SIRPD: variants seen among roughly 807,000 people sequenced by gnomAD.
The protein encoded by SIRPD is signal-regulatory protein delta.
SIRPD carries 21 observed loss-of-function variants against 18.0 expected under a neutral mutation model. The observed-to-expected ratio is 1.17, with a 90% CI of 0.83 to 1.68. The LOEUF (loss-of-function observed/expected upper bound fraction) is 1.68. Among genes scored for constraint, SIRPD ranks in the 40% most tolerant of loss-of-function variants. SIRPD has a pLI of 0.00. For synonymous variants in SIRPD, 106 were observed against 92.9 expected (o/e 1.14, Z -0.81); for missense variants, 295 against 238.4 (o/e 1.24, Z -1.56).
intron 2 of SIRPD, 127 bp downstream of exon 2, chr20:1,551,564 A>G: frequency 1.3e-6 from 1 of 771,128 alleles, no homozygotes. Context: ...GAGAGAATTA[A>G]AAAGATCAAA....
Position 1,551,791 on chromosome 20 carries a change from G to A in SIRPD, c.321C>T (p.Ile107=). Residue 107 remains isoleucine, a synonymous_variant, in exon 2 of 4, where the codon ATC becomes ATT. Transcript: ENST00000381623. ...NTDFSTRIRE[I]SLADAGTYYC... The stretch of plus-strand genomic sequence containing the variant: ...AATAGGTGCCAGCATCAGCAAGAGA[G>A]ATTTCACGGATGCGGGTGGAAAAGT... 1 of 1,614,086 alleles carries A rather than the reference G, an allele frequency of 6.2e-7. No individual in the cohort carries two copies.
At chr20:1,543,678 G>T (rs1040301203) in intron 2 of SIRPD, among the ~76,000 whole-genome samples, 2 of 152,064 alleles carry the variant, frequency 1.3e-5, no homozygotes, top group African/African-American at 4.8e-5. Flanking sequence ...GAATTTGTTT[G>T]CTCTAGCTTC....
chr20:1,549,177 C>T (rs1467111042), intron 2 of SIRPD, among the ~76,000 whole-genome samples: 1 of 151,726 alleles, frequency 6.6e-6, no homozygotes, highest in Non-Finnish European at 1.5e-5. Flanking sequence ...ATAAAATTTC[C>T]ATTTGGTTCT....
chr20:1,537,847 G>C (rs930717806), intron 2 of SIRPD, among the ~76,000 whole-genome samples: 3 of 152,122 alleles, frequency 2.0e-5, no homozygotes, highest in African/African-American at 7.2e-5. Context: ...GATAGTTTCT[G>C]TTTTAGAGAA....
chr20:1,543,179 A>G (rs544913312), intron 2 of SIRPD, among the ~76,000 whole-genome samples: 51 of 151,978 alleles, frequency 3.4e-4, no homozygotes, highest in Admixed American at 1.3e-3. Context: ...CTCTTTTTCT[A>G]TTGTTTGGAA....
At chr20:1,544,678 G>A (rs1185280882) in intron 2 of SIRPD, among the ~76,000 whole-genome samples, 1 of 152,058 alleles carries the variant, frequency 6.6e-6, no homozygotes, top group African/African-American at 2.4e-5. Context: ...AGCTGGTTAT[G>A]TTGCCCATTA....
chr20:1,538,022 T>C (rs978349398), intron 2 of SIRPD, among the ~76,000 whole-genome samples: 3 of 152,110 alleles, frequency 2.0e-5, no homozygotes, highest in Admixed American at 1.3e-4. Flanking sequence ...GGAGGAGATG[T>C]AGAAACACTC....
At chr20:1,550,006 C>G (rs984156261) in intron 2 of SIRPD, among the ~76,000 whole-genome samples, 1 of 152,168 alleles carries the variant, frequency 6.6e-6, no homozygotes, top group Non-Finnish European at 1.5e-5. Context: ...TATTCTCCCT[C>G]TAAACAGCTG....
At chr20:1,546,018 A>G (rs981220533) in intron 2 of SIRPD, among the ~76,000 whole-genome samples, 1 of 152,184 alleles carries the variant, frequency 6.6e-6, no homozygotes, top group African/African-American at 2.4e-5. Context: ...CACCTGCCAG[A>G]TGCCAGCCAG....
intron 1 of SIRPD, among the ~76,000 whole-genome samples, chr20:1,555,988 G>A (rs1043800055): frequency 6.6e-6 from 1 of 152,162 alleles, no homozygotes; most frequent in Non-Finnish European, 1.5e-5. Context: ...GTGGTTGTAG[G>A]ACTGAGGCCC....
chr20:1,535,355 C>T (rs1167806500), intron 3 of SIRPD, among the ~76,000 whole-genome samples: 2 of 152,112 alleles, frequency 1.3e-5, no homozygotes, highest in Non-Finnish European at 2.9e-5. Context: ...AAATATTTGT[C>T]CCCTCCAAAA....
chr20:1,535,145 A>T lies in SIRPD; in HGVS notation c.578-704T>A, dbSNP rs190770365. Among the ~76,000 whole-genome samples the T allele has an allele frequency of 2.6e-5, 4 of 152,350 alleles. No individual in the cohort carries two copies. In the East Asian group the frequency reaches 7.7e-4, roughly 29 times the overall value. ...GATGTATTGATGATGTTGCAGACAC[A>T]TATATATTTACATAGAAAAGGGTCC... On this transcript the variant is annotated intron_variant, in intron 3 of 3. Coordinates refer to ENST00000381623, the MANE Select transcript of SIRPD (RefSeq NM_178460.3).
chr20:1,546,905 T>G (rs2090995944), intron 2 of SIRPD, among the ~76,000 whole-genome samples: 1 of 152,252 alleles, frequency 6.6e-6, no homozygotes, highest in African/African-American at 2.4e-5. Flanking sequence ...TCTTTATATA[T>G]TCTAAACTCA....
At chr20:1,554,477 G>A (rs1015634433) in intron 1 of SIRPD, among the ~76,000 whole-genome samples, 4 of 152,154 alleles carry the variant, frequency 2.6e-5, no homozygotes, top group African/African-American at 9.7e-5. Context: ...AGGTACCAGT[G>A]TACAAATAGG....
At position 1,534,256 on chromosome 20, in the gene SIRPD, C is replaced by A; in HGVS notation, c.*169G>T. ...ACAGAAGAGAGAACCTGGAATTGGA[C>A]CCAGGTAAATAGACAGATTTATTGT... On this transcript the variant is annotated 3_prime_UTR_variant, in exon 4 of 4. Transcript: ENST00000381623. The A allele has an allele frequency of 2.3e-6, 2 of 870,720 alleles. No homozygotes were observed. Among genetic ancestry groups the A allele is most frequent in the South Asian group, 3.6e-5 (2 of 56,170 alleles). 53.9% of individuals were successfully genotyped at this position (870,720 alleles called of 1,614,324 possible).
At chr20:1,536,215 C>T (rs1361003718) in intron 3 of SIRPD, among the ~76,000 whole-genome samples, 2 of 152,172 alleles carry the variant, frequency 1.3e-5, no homozygotes, top group African/African-American at 4.8e-5. Flanking sequence ...CTGTGTGCTA[C>T]ACATTACTCC....
intron 2 of SIRPD, among the ~76,000 whole-genome samples, chr20:1,544,110 T>C (rs1280200300): frequency 1.3e-5 from 2 of 152,202 alleles, no homozygotes; most frequent in South Asian, 2.1e-4. Flanking sequence ...GAGAGTTCTG[T>C]AGATGTCTAT....
At chr20:1,540,059 T>G in intron 2 of SIRPD, 1 of 281,948 alleles carries the variant, frequency 3.5e-6, no homozygotes, top group Non-Finnish European at 7.1e-6. Context: ...TAATTTGTTA[T>G]GCAGCATAGA....
At chr20:1,545,623 C>T (rs1320806421) in intron 2 of SIRPD, among the ~76,000 whole-genome samples, 5 of 152,214 alleles carry the variant, frequency 3.3e-5, no homozygotes, top group Non-Finnish European at 5.9e-5. Flanking sequence ...TCTGTCAATT[C>T]GTCAAACTCA....
Sources: gnomAD v4.1 joint callset for allele counts (sites outside exome capture counted in the v4.1 genomes callset) on GRCh38, gnomAD v4.1.1 for gene constraint, MANE v1.5 for transcripts, NCBI Gene and HGNC (gene_info 2026-07-23, HGNC 2026-07-21) for gene names.